GNPAT: variants seen among roughly 807,000 people sequenced by gnomAD.
GNPAT encodes the protein glyceronephosphate O-acyltransferase.
GNPAT carries 30 observed loss-of-function variants against 78.4 expected under a neutral mutation model. The ratio of observed to expected loss-of-function variants is 0.38; its 90% CI spans 0.29 to 0.52. The LOEUF is 0.52. GNPAT is among the 20% of genes least tolerant of loss of function. The pLI is 0.84. For missense variants in GNPAT, 714 were observed against 812.2 expected (o/e 0.88, Z 1.47); for synonymous variants, 271 against 281.1 (o/e 0.96, Z 0.36).
intron 2 of GNPAT, among the ~76,000 whole-genome samples, chr1:231,255,592 T>A (rs1398678979): frequency 6.6e-6 from 1 of 152,070 alleles, no homozygotes; most frequent in Non-Finnish European, 1.5e-5. Context: ...CCCAGCTTTT[T>A]TTGTTTTGTT....
rs1685192936 is a variant in GNPAT at position 231,260,514 on chromosome 1, A to G, written c.269A>G (p.Lys90Arg). ...EIHYVIKQLSKESLQSVDVLR... is the reference protein window; with the variant it reads ...EIHYVIKQLSRESLQSVDVLR... The stretch of plus-strand genomic sequence containing the variant: ...CTTTTCCTTTCCTTTTAGCTTTCCA[A>G]GGAATCCCTTCAATCTGTGGATGTC... The change falls in exon 3 of 16, where the codon AAG (lysine) becomes AGG (arginine). Residue 90 changes from lysine (K) to arginine (R), a missense_variant. Physicochemically the swap from Lys to Arg is conservative, Grantham distance 26. Transcript: ENST00000366647. The G allele has an allele frequency of 1.2e-6, 2 of 1,606,698 alleles. No individual in the cohort carries two copies. The highest frequency in any genetic ancestry group is 1.3e-5 in the African/African-American group (1 of 74,874).
At chr1:231,265,831 A>T (rs971798995) in intron 6 of GNPAT, 44 bp downstream of exon 6, 1 of 1,210,332 alleles carries the variant, frequency 8.3e-7, no homozygotes, top group Non-Finnish European at 1.2e-6. Flanking sequence ...ACCCAAAGAC[A>T]TCAGCTGCTA....
intron 14 of GNPAT, 91 bp downstream of exon 14, chr1:231,275,589 G>A (rs1685690232): frequency 1.2e-6 from 1 of 803,492 alleles, no homozygotes; most frequent in East Asian, 2.5e-5. Flanking sequence ...AGAAATGGAT[G>A]ATCTAGGAAA....
chr1:231,242,134 C>G (rs112440488), intron 1 of GNPAT, among the ~76,000 whole-genome samples: 1,747 of 152,252 alleles, frequency 0.011, 41 homozygotes, highest in African/African-American at 0.041. Flanking sequence ...AGATGTTGGT[C>G]ACCCACGATT....
chr1:231,274,160 T>C (rs1685646346), intron 12 of GNPAT, 98 bp downstream of exon 12: 1 of 1,048,482 alleles, frequency 9.5e-7, no homozygotes. Flanking sequence ...GGCAGGTATC[T>C]TCCCCAGGCA....
chr1:231,246,334 T>G (rs1684746793), intron 1 of GNPAT, among the ~76,000 whole-genome samples: 1 of 152,238 alleles, frequency 6.6e-6, no homozygotes, highest in Non-Finnish European at 1.5e-5. Context: ...GAATTTACCT[T>G]GTTTATTTGT....
chr1:231,272,061 T>C (rs889111687), intron 10 of GNPAT, among the ~76,000 whole-genome samples: 5 of 152,004 alleles, frequency 3.3e-5, no homozygotes, highest in African/African-American at 1.2e-4. Context: ...GATTGCACCA[T>C]TGCACTCCAG....
At chr1:231,267,936 T>C in intron 9 of GNPAT, 33 bp downstream of exon 9, 1 of 1,269,346 alleles carries the variant, frequency 7.9e-7, no homozygotes, top group Non-Finnish European at 1.2e-6. Flanking sequence ...TTGAGAATGC[T>C]TGCTTAATTT....
chr1:231,276,397 G>C (rs181319367), intron 15 of GNPAT, among the ~76,000 whole-genome samples: 35 of 152,288 alleles, frequency 2.3e-4, no homozygotes, highest in African/African-American at 8.4e-4. Flanking sequence ...AAACACAGCA[G>C]GCATAAAAGA....
intron 1 of GNPAT, among the ~76,000 whole-genome samples, chr1:231,250,094 T>C (rs1257560839): frequency 6.7e-6 from 1 of 148,958 alleles, no homozygotes; most frequent in East Asian, 2.0e-4. Context: ...TTATTATTAT[T>C]ATTATTATTA....
chr1:231,261,574 T>G (rs1270137938), intron 3 of GNPAT, among the ~76,000 whole-genome samples: 1 of 152,152 alleles, frequency 6.6e-6, no homozygotes, highest in African/African-American at 2.4e-5. Context: ...TGCTGTAAAG[T>G]TATTATTTTT....
At position 231,266,127 on chromosome 1, in the gene GNPAT, G is replaced by A; in HGVS notation, c.886G>A (p.Glu296Lys). ...CTTGGAAGAAACTCTTTATGTGTATGAGCTTCTAGGGGTTCCTAAACCAAA... is the reference window on the plus strand; with the variant it reads ...CTTGGAAGAAACTCTTTATGTGTATAAGCTTCTAGGGGTTCCTAAACCAAA... ...KILEETLYVY[E>K]LLGVPKPKES... Residue 296 changes from glutamate (E) to lysine (K), a missense_variant, in exon 7 of 16, where the codon GAG (glutamate) becomes AAG (lysine). Transcript: ENST00000366647. 1 of 1,613,112 alleles carries A rather than the reference G, an allele frequency of 6.2e-7. No homozygotes were observed.
At chr1:231,267,244 A>G (rs760779937) in intron 8 of GNPAT, among the ~76,000 whole-genome samples, 20 of 152,332 alleles carry the variant, frequency 1.3e-4, no homozygotes, top group Admixed American at 3.3e-4. Context: ...TCCATGCATG[A>G]AGTCAGACAA....
intron 12 of GNPAT, among the ~76,000 whole-genome samples, chr1:231,274,658 A>ATG (rs1685661500): frequency 6.6e-6 from 1 of 152,084 alleles, no homozygotes; most frequent in African/African-American, 2.4e-5. Context: ...AGAGAAGAGG[A>ATG]TGCTGTGACT....
At position 231,277,824 on chromosome 1, in the gene GNPAT, C is replaced by T. The variant is rs1685759621; in HGVS notation, c.*282C>T. 1 of 374,140 alleles carries T rather than the reference C, an allele frequency of 2.7e-6. No individual in the cohort carries two copies. Among genetic ancestry groups the T allele is most frequent in the South Asian group, 3.7e-5 (1 of 27,330 alleles). The allele number at this position is 374,140 out of a possible 1,614,324, so 23.2% of individuals were successfully genotyped here. ...CAAAGCTCAGCTCATTTCACTAACACTTTTCAGCTTACTATATGTATTAAA... is the reference window on the plus strand; with the variant it reads ...CAAAGCTCAGCTCATTTCACTAACATTTTTCAGCTTACTATATGTATTAAA... On this transcript the variant is annotated 3_prime_UTR_variant, in exon 16 of 16. Transcript: ENST00000366647.
At chr1:231,251,358 G>T (rs182234157) in intron 2 of GNPAT, among the ~76,000 whole-genome samples, 1 of 151,790 alleles carries the variant, frequency 6.6e-6, no homozygotes, top group Admixed American at 6.6e-5. Flanking sequence ...GAAATATGTC[G>T]TCTGGGCATA....
At chr1:231,255,368 C>G (rs115571079) in intron 2 of GNPAT, among the ~76,000 whole-genome samples, 1,990 of 152,262 alleles carry the variant, frequency 0.013, 30 homozygotes, top group African/African-American at 0.045. Flanking sequence ...CATGCCTTCT[C>G]TAGTTACTAT....
intron 1 of GNPAT, among the ~76,000 whole-genome samples, chr1:231,250,611 TG>T (rs1235150907): frequency 2.0e-5 from 3 of 152,300 alleles, no homozygotes; most frequent in African/African-American, 7.2e-5. Flanking sequence ...TAGAGGCAAA[TG>T]GAACAGGTTT....
intron 9 of GNPAT, 144 bp from the exon 10 acceptor site, chr1:231,270,614 A>G: frequency 2.5e-6 from 2 of 805,886 alleles, no homozygotes; most frequent in Admixed American, 1.8e-5. Context: ...CAGATTTGGT[A>G]TCATTACCGT....
Sources: gnomAD v4.1 joint callset for allele counts (sites outside exome capture counted in the v4.1 genomes callset) on GRCh38, gnomAD v4.1.1 for gene constraint, MANE v1.5 for transcripts, NCBI Gene and HGNC (gene_info 2026-07-23, HGNC 2026-07-21) for gene names.